Variants in ANKRD18B observed in about 807,000 individuals in gnomAD.
The protein encoded by ANKRD18B is ankyrin repeat domain 18B.
A neutral mutation model predicts 111.8 loss-of-function variants in ANKRD18B; 75 were observed. The observed-to-expected ratio is 0.67, with a 90% CI of 0.56 to 0.81. ANKRD18B has a LOEUF of 0.81. ANKRD18B is among the 40% of genes least tolerant of loss of function. The pLI is 0.00. For missense variants in ANKRD18B, 1,038 were observed against 1,225.5 expected, an observed-to-expected ratio of 0.85 and a Z score of 2.28; for synonymous variants, 356 against 417.3, an observed-to-expected ratio of 0.85 and a Z score of 1.79.
At chr9:33,568,402 C>A (rs1828718392) in intron 16 of ANKRD18B, among the ~76,000 whole-genome samples, 1 of 152,178 alleles carries the variant, frequency 6.6e-6, no homozygotes, top group Non-Finnish European at 1.5e-5. Context: ...ACCTGTTGAG[C>A]TGTACATCAC....
In ANKRD18B at chr9:33,539,502, G is replaced by C. The variant is rs928952288; in HGVS notation, c.862G>C (p.Val288Leu). The C allele has an allele frequency of 2.5e-5, 4 of 158,142 alleles. No homozygotes were observed. Among genetic ancestry groups the C allele is most frequent in the African/African-American group, 9.7e-5 (4 of 41,450 alleles). The allele number at this position is 158,142 out of a possible 1,614,324, so 9.8% of individuals were successfully genotyped here. A position where few individuals can be genotyped will look rare whatever the true frequency, so the allele number is the denominator to read the frequency against. Residue 288 changes from valine (V) to leucine (L), a missense_variant and splice_region_variant, in exon 7 of 19, where the codon GTC becomes CTC. By Grantham distance (32) the Val-to-Leu change is conservative. Around this residue, in one of 4 missense-constraint regions of ANKRD18B, gnomAD observed 93 missense variants for 141.3 expected, o/e 0.66. Transcript: ENST00000684830. ...SFKTQGASSK[V>L]SLYHQSGVQW... Reference sequence around the variant, plus strand: ...TAAAACACAAGGAGCAAGTTCAAAAGGTAGGACACCTGAGTGAACTTTGTA... The same window carrying C: ...TAAAACACAAGGAGCAAGTTCAAAACGTAGGACACCTGAGTGAACTTTGTA...
In ANKRD18B at chr9:33,572,334, C is replaced by T; in HGVS notation, c.3242C>T (p.Pro1081Leu). ...TTTCCAGCTTTTGCTGCGTTGGGCC[C>T]TTGCTCCTATCTACTTTCTTCTCTA... ...ETKKTFAALG[P>L]CSYLLSSLES... is the part of the protein sequence containing the mutation. Residue 1081 changes from proline (P) to leucine (L), a missense_variant, in exon 19 of 19, where the codon CCT becomes CTT. Physicochemically the swap from Pro to Leu is moderately conservative, Grantham distance 98. Transcript: ENST00000684830. 1 of 1,611,440 alleles carries T rather than the reference C, an allele frequency of 6.2e-7. No homozygotes were observed. Among genetic ancestry groups the T allele is most frequent in the Non-Finnish European group, 8.5e-7 (1 of 1,178,572 alleles).
chr9:33,527,741 C>T (rs1207169547), intron 1 of ANKRD18B, among the ~76,000 whole-genome samples: 1 of 152,166 alleles, frequency 6.6e-6, no homozygotes, highest in Admixed American at 6.5e-5. Flanking sequence ...CAGTTAGATG[C>T]CTAGAACGGC....
At chr9:33,535,834 T>G (rs1003273332) in intron 5 of ANKRD18B, among the ~76,000 whole-genome samples, 4 of 147,624 alleles carry the variant, frequency 2.7e-5, no homozygotes, top group Admixed American at 1.4e-4. Context: ...ATATAGATTA[T>G]ATAATCTCTT....
chr9:33,557,874 C>A (rs1260350086), intron 13 of ANKRD18B, among the ~76,000 whole-genome samples, 184 bp from the exon 14 acceptor site: 2 of 151,308 alleles, frequency 1.3e-5, no homozygotes, highest in Non-Finnish European at 2.9e-5. Context: ...AATTGTTCTT[C>A]ATATTATTTA....
chr9:33,556,595 G>T (rs2085596259), intron 13 of ANKRD18B, among the ~76,000 whole-genome samples: 1 of 152,144 alleles, frequency 6.6e-6, no homozygotes, highest in South Asian at 2.1e-4. Flanking sequence ...CAATGCTTTG[G>T]ACATGTAATG....
chr9:33,538,678 G>A (rs1587261815), intron 6 of ANKRD18B, among the ~76,000 whole-genome samples: 4 of 151,974 alleles, frequency 2.6e-5, no homozygotes, highest in African/African-American at 9.7e-5. Context: ...GGAGATTGCA[G>A]TGAACCGGAA....
In ANKRD18B at chr9:33,551,028, C is replaced by T. The variant is rs560274080; in HGVS notation, c.2217+449C>T. 5.7e-3 allele frequency among the ~76,000 whole-genome samples: 864 copies of T among 152,270 alleles called. 9 individuals are homozygous for T. Among genetic ancestry groups the T allele is most frequent in the African/African-American group, 0.02 (816 of 41,556 alleles). On this transcript the variant is annotated intron_variant, in intron 12 of 18. Coordinates refer to ENST00000684830, the MANE Select transcript of ANKRD18B (RefSeq NM_001393611.1). ...TTCATGGATTCTAGGTTAACTTGTACAGAAAGGCCATCATACTGTTCTTTG... is the reference window on the plus strand; with the variant it reads ...TTCATGGATTCTAGGTTAACTTGTATAGAAAGGCCATCATACTGTTCTTTG...
intron 12 of ANKRD18B, among the ~76,000 whole-genome samples, chr9:33,551,468 G>A (rs1167634911): frequency 2.0e-5 from 3 of 152,144 alleles, no homozygotes; most frequent in Non-Finnish European, 4.4e-5. Flanking sequence ...CCATAGATTT[G>A]CATGGTCTGC....
chr9:33,554,155 G>GAAAGAAAGAGAGAAAGAAAGAAGGAA (rs1828487782), intron 12 of ANKRD18B, among the ~76,000 whole-genome samples: 1 of 95,992 alleles, frequency 1.0e-5, no homozygotes, highest in East Asian at 4.0e-4. Flanking sequence ...GAGAGAGAAA[G>GAAAGAAAGAGAGAAAGAAAGAAGGAA]AAAGAAAGAG....
intron 3 of ANKRD18B, among the ~76,000 whole-genome samples, chr9:33,529,454 T>C (rs571001796): frequency 1.3e-5 from 2 of 152,314 alleles, no homozygotes; most frequent in East Asian, 1.9e-4. Context: ...TTCTAATTAG[T>C]GTGAAAACAT....
intron 12 of ANKRD18B, among the ~76,000 whole-genome samples, chr9:33,551,688 A>G (rs1025646142): frequency 6.6e-6 from 1 of 151,994 alleles, no homozygotes; most frequent in Non-Finnish European, 1.5e-5. Context: ...CTTTTTGGCT[A>G]TTATGAAAAC....
rs1180328888 is a variant in ANKRD18B at position 33,566,222 on chromosome 9, G to A, written c.2464G>A (p.Asp822Asn). 5.2e-6 allele frequency: 8 copies of A among 1,551,802 alleles called. No homozygotes were observed. In the Admixed American group the frequency reaches 5.9e-5, roughly 11 times the overall value. ...ILFKKLKQKF[D>N]DLMAEKEAVS... is the part of the protein sequence containing the mutation. ...CTCTATTATTTTATTAATGCAGTTTGATGATCTTATGGCCGAGAAGGAAGC... is the reference window on the plus strand; with the variant it reads ...CTCTATTATTTTATTAATGCAGTTTAATGATCTTATGGCCGAGAAGGAAGC... Residue 822 changes from aspartate (D) to asparagine (N), a missense_variant, in exon 15 of 19, where the codon GAT becomes AAT. Coordinates refer to ENST00000684830, the MANE Select transcript of ANKRD18B (RefSeq NM_001393611.1).
At chr9:33,530,419 C>A (rs577011783) in intron 3 of ANKRD18B, among the ~76,000 whole-genome samples, 2 of 149,588 alleles carry the variant, frequency 1.3e-5, no homozygotes, top group East Asian at 4.1e-4. Context: ...CAGCCTGAGG[C>A]GGGCAGATCA....
At chr9:33,538,398 TG>T (rs1828231135) in intron 6 of ANKRD18B, among the ~76,000 whole-genome samples, 1 of 152,218 alleles carries the variant, frequency 6.6e-6, no homozygotes, top group African/African-American at 2.4e-5. Flanking sequence ...TGTTTTTTTA[TG>T]TGCTGGATAA....
At chr9:33,559,225 C>G (rs548494258) in intron 14 of ANKRD18B, among the ~76,000 whole-genome samples, 1 of 152,240 alleles carries the variant, frequency 6.6e-6, no homozygotes, top group Admixed American at 6.5e-5. Context: ...CTTAGTTTAT[C>G]TTCCCTAGAT....
chr9:33,573,571 C>T (rs1254238101), downstream of ANKRD18B, among the ~76,000 whole-genome samples: 1 of 145,028 alleles, frequency 6.9e-6, no homozygotes, highest in Non-Finnish European at 1.6e-5. Context: ...GCCCAGAGGG[C>T]CTTGCGGGGT....
chr9:33,531,549 G>A (rs953030165), intron 3 of ANKRD18B, among the ~76,000 whole-genome samples: 6 of 150,092 alleles, frequency 4.0e-5, no homozygotes, highest in Non-Finnish European at 7.4e-5. Context: ...GGTCTGCTGC[G>A]CAGAGGTTGC....
In ANKRD18B at chr9:33,543,273, T is replaced by A; in HGVS notation, c.1149+18T>A. The A allele has an allele frequency of 7.2e-6, 11 of 1,535,736 alleles. No homozygotes were observed. The highest frequency in any genetic ancestry group is 4.4e-6 in the Non-Finnish European group (5 of 1,136,890). ...AGCCGCAGGTATATAACAATTTAAA[T>A]TTCTGGTTTAATATTGGTTTGTTTG... On this transcript the variant is annotated intron_variant, in intron 10 of 18. Transcript: ENST00000684830.
Sources: gnomAD v4.1 joint callset for allele counts (sites outside exome capture counted in the v4.1 genomes callset) on GRCh38, gnomAD v4.1.1 for gene constraint, gnomAD v4.1.1 regional missense constraint, MANE v1.5 for transcripts, NCBI Gene and HGNC (gene_info 2026-07-23, HGNC 2026-07-21) for gene names.